The following FRMD4B variants were observed in gnomAD, a reference collection of about 807,000 sequenced individuals.
FRMD4B encodes the protein FERM domain containing 4B.
FRMD4B carries 74 observed loss-of-function variants against 141.5 expected under a neutral mutation model. That is an observed-to-expected ratio of 0.52 (90% CI 0.43 to 0.63). The LOEUF (loss-of-function observed/expected upper bound fraction) is 0.63, where lower values mean the gene tolerates loss of function less well. Ranked by LOEUF, FRMD4B falls within the 30% of genes least tolerant of loss-of-function variation. FRMD4B has a pLI of 0.00. For missense variants in FRMD4B, 1,366 were observed against 1,253.4 expected, an observed-to-expected ratio of 1.09 and a Z score of -1.36; for synonymous variants, 506 against 467.9, an observed-to-expected ratio of 1.08 and a Z score of -1.05.
chr3:69,312,226 A>C (rs1701620652), intron 2 of FRMD4B, among the ~76,000 whole-genome samples: 1 of 152,216 alleles, frequency 6.6e-6, no homozygotes, highest in African/African-American at 2.4e-5. Flanking sequence ...ACTGGGGAAG[A>C]AAAGGGGAAT....
intron 1 of FRMD4B, among the ~76,000 whole-genome samples, chr3:69,456,075 T>C (rs542472508): frequency 2.2e-4 from 34 of 152,210 alleles, no homozygotes; most frequent in Non-Finnish European, 4.6e-4. Flanking sequence ...GCCGAGTATC[T>C]CTAAAGAACT....
chr3:69,496,149 G>C (rs139757682), intron 1 of FRMD4B, among the ~76,000 whole-genome samples: 99 of 152,226 alleles, frequency 6.5e-4, no homozygotes, highest in African/African-American at 2.3e-3. Flanking sequence ...TGTAAAATAG[G>C]AGTAGAAAAA....
intron 5 of FRMD4B, among the ~76,000 whole-genome samples, chr3:69,272,679 G>C (rs1163694909): frequency 6.6e-6 from 1 of 152,120 alleles, no homozygotes; most frequent in Non-Finnish European, 1.5e-5. Context: ...TTTAGTTCTT[G>C]GTACGACTAA....
At chr3:69,390,225 CT>C (rs1428236104), upstream of FRMD4B, among the ~76,000 whole-genome samples, 2 of 152,292 alleles carry the variant, frequency 1.3e-5, no homozygotes, top group African/African-American at 4.8e-5. Context: ...TCCCCTCTGC[CT>C]GGCAAAAACA....
At chr3:69,270,518 G>T (rs1489227422) in intron 5 of FRMD4B, among the ~76,000 whole-genome samples, 2 of 151,916 alleles carry the variant, frequency 1.3e-5, no homozygotes, top group Admixed American at 1.3e-4. Context: ...TGAAATACAA[G>T]ATTTGTGTCT....
chr3:69,260,892 C>A (rs1450422182), intron 5 of FRMD4B, among the ~76,000 whole-genome samples: 1 of 152,196 alleles, frequency 6.6e-6, no homozygotes, highest in Non-Finnish European at 1.5e-5. Context: ...GTAAATACAC[C>A]AATCAGCACT....
At chr3:69,394,256 A>C (rs1324738603) in intron 2 of FRMD4B, among the ~76,000 whole-genome samples, 1 of 152,248 alleles carries the variant, frequency 6.6e-6, no homozygotes, top group Non-Finnish European at 1.5e-5. Context: ...TTATAAAGGC[A>C]CTGATCCTAC....
At chr3:69,231,153 T>A (rs1215129058) in intron 7 of FRMD4B, among the ~76,000 whole-genome samples, 1 of 152,118 alleles carries the variant, frequency 6.6e-6, no homozygotes, top group Non-Finnish European at 1.5e-5. Flanking sequence ...CAAGAAAACA[T>A]TTACCATAGA....
intron 1 of FRMD4B, among the ~76,000 whole-genome samples, chr3:69,348,949 A>G (rs1703040521): frequency 6.6e-6 from 1 of 152,220 alleles, no homozygotes; most frequent in Non-Finnish European, 1.5e-5. Context: ...CTCCTATTCA[A>G]CATAGTGTTG....
At chr3:69,275,216 GTTGTAC>G (rs1371586256) in intron 5 of FRMD4B, among the ~76,000 whole-genome samples, 10 of 152,066 alleles carry the variant, frequency 6.6e-5, no homozygotes, top group African/African-American at 2.2e-4. Flanking sequence ...TTTTTGATTT[GTTGTAC>G]TTGTATGCAT....
intron 7 of FRMD4B, among the ~76,000 whole-genome samples, chr3:69,232,235 T>C (rs779062774): frequency 1.3e-5 from 2 of 152,186 alleles, no homozygotes; most frequent in Non-Finnish European, 2.9e-5. Flanking sequence ...CATGAGGGAC[T>C]GGTTTCTCCG....
intron 11 of FRMD4B, among the ~76,000 whole-genome samples, chr3:69,206,155 C>T (rs1408269170): frequency 6.6e-6 from 1 of 152,022 alleles, no homozygotes; most frequent in African/African-American, 2.4e-5. Context: ...AGTTCGAGAC[C>T]AGCCTGACCA....
chr3:69,455,560 C>A (rs1705587220), intron 1 of FRMD4B, among the ~76,000 whole-genome samples: 1 of 152,132 alleles, frequency 6.6e-6, no homozygotes, highest in African/African-American at 2.4e-5. Flanking sequence ...AAACTACGAA[C>A]ACGTCCGACG....
intron 1 of FRMD4B, among the ~76,000 whole-genome samples, chr3:69,437,984 G>A (rs1406823981): frequency 1.6e-5 from 2 of 124,792 alleles, no homozygotes; most frequent in South Asian, 2.4e-4. Flanking sequence ...TACTATTATT[G>A]TAAATAAAAG....
At chr3:69,405,669 A>G (rs1704638721) in intron 2 of FRMD4B, among the ~76,000 whole-genome samples, 1 of 152,226 alleles carries the variant, frequency 6.6e-6, no homozygotes, top group Non-Finnish European at 1.5e-5. Context: ...GGGAGGAACC[A>G]TTGCTAAGCC....
At position 69,455,481 on chromosome 3, in the gene FRMD4B, A is replaced by G. The variant is rs138689822; in HGVS notation, c.-128-22720T>C. ...CCAGACATGCCACCTTGAGAGCTGTAAGGCTCACCGTGAAGGTCTGCAGCT... is the reference window on the plus strand; with the variant it reads ...CCAGACATGCCACCTTGAGAGCTGTGAGGCTCACCGTGAAGGTCTGCAGCT... On this transcript the variant is annotated intron_variant, in intron 1 of 5. Coordinates refer to the FRMD4B transcript ENST00000459638. Among the ~76,000 whole-genome samples, 34 of 152,310 alleles carry G rather than the reference A, an allele frequency of 2.2e-4. 1 individual carries two copies. The highest frequency in any genetic ancestry group is 7.5e-4 in the African/African-American group (31 of 41,574).
intron 5 of FRMD4B, among the ~76,000 whole-genome samples, chr3:69,269,422 G>T (rs2093584112): frequency 6.7e-6 from 1 of 150,220 alleles, no homozygotes; most frequent in South Asian, 2.1e-4. Context: ...AGCTTAGGAA[G>T]ATAGAATAGG....
chr3:69,440,881 A>G (rs72931867), intron 1 of FRMD4B, among the ~76,000 whole-genome samples: 3,798 of 152,304 alleles, frequency 0.025, 128 homozygotes, highest in East Asian at 0.09. Context: ...TAGAACTACA[A>G]TGAATTTGTA....
At chr3:69,266,312 A>G (rs1019538298) in intron 5 of FRMD4B, among the ~76,000 whole-genome samples, 4 of 152,142 alleles carry the variant, frequency 2.6e-5, no homozygotes, top group African/African-American at 9.7e-5. Flanking sequence ...GAGCATCAAA[A>G]TGAATGACAG....
Sources: gnomAD v4.1 joint callset for allele counts (sites outside exome capture counted in the v4.1 genomes callset) on GRCh38, gnomAD v4.1.1 for gene constraint, MANE v1.5 for transcripts, NCBI Gene and HGNC (gene_info 2026-07-23, HGNC 2026-07-21) for gene names.